The following SEPTIN6 variants were observed in gnomAD, a reference collection of about 807,000 sequenced individuals.
The protein encoded by SEPTIN6 is septin-6.
SEPTIN6 carries 8 observed loss-of-function variants against 33.6 expected under a neutral mutation model. That is an observed-to-expected ratio of 0.24 (90% CI 0.14 to 0.43). The LOEUF is 0.43. Among genes scored for constraint, SEPTIN6 ranks in the 20% least tolerant of loss-of-function variants. SEPTIN6 has a pLI of 1.00. For missense variants in SEPTIN6, 250 were observed against 340.8 expected (o/e 0.73, Z 2.10); for synonymous variants, 131 against 140.0 (o/e 0.94, Z 0.45).
rs180995221 is a variant in SEPTIN6 at position 119,621,023 on chromosome X, T to C, written c.*42-972A>G. ...CACCACCCAATACCTTGTACAGGAA[T>C]ACCTTCCACAAATCTCTAAGTGGCC... is the stretch of plus-strand genomic sequence containing the variant. On this transcript the variant is annotated intron_variant, in intron 10 of 10. Transcript: ENST00000394610. Among the ~76,000 whole-genome samples the C allele has an allele frequency of 5.7e-5, 5 of 88,472 alleles. No individual in the cohort carries two copies. In the East Asian group the frequency reaches 2.1e-3, roughly 37 times the overall value. The allele number at this position is 88,472 out of a possible 115,157, so 76.8% of individuals were successfully genotyped here. A position where few individuals can be genotyped will look rare whatever the true frequency, so the allele number is the denominator to read the frequency against.
intron 10 of SEPTIN6, among the ~76,000 whole-genome samples, chrX:119,623,271 C>T (rs1251048911): frequency 8.9e-6 from 1 of 112,020 alleles, no homozygotes; most frequent in Non-Finnish European, 1.9e-5. Flanking sequence ...ACTGACTAGA[C>T]ATTTCATGTT....
At position 119,621,446 on chromosome X, in the gene SEPTIN6, G is replaced by GGTGTGTGTGTGTGTGTGTGTGTGTGT. The variant is rs34517524; in HGVS notation, c.*42-1421_*42-1396dup. Among the ~76,000 whole-genome samples, 139 of 63,485 alleles carry GGTGTGTGTGTGTGTGTGTGTGTGTGT rather than the reference G, an allele frequency of 2.2e-3. 2 individuals carry two copies. Among genetic ancestry groups the GGTGTGTGTGTGTGTGTGTGTGTGTGT allele is most frequent in the African/African-American group, 5.2e-3 (85 of 16,427 alleles). The allele number at this position is 63,485 out of a possible 115,157, so 55.1% of individuals were successfully genotyped here. A position where few individuals can be genotyped will look rare whatever the true frequency, so the allele number is the denominator to read the frequency against. On this transcript the variant is annotated intron_variant, in intron 10 of 10. Transcript: ENST00000394610. Reference sequence around the variant, plus strand: ...AAGAGTCACAGCTGGGCCCAGAGCTGGTGTGTGTGTGTGTGTGTGTGTGTG... The same window carrying GGTGTGTGTGTGTGTGTGTGTGTGTGT: ...AAGAGTCACAGCTGGGCCCAGAGCTGGTGTGTGTGTGTGTGTGTGTGTGTGTGTGTGTGTGTGTGTGTGTGTGTGTG...
intron 1 of SEPTIN6, among the ~76,000 whole-genome samples, chrX:119,676,283 C>T (rs989196914): frequency 4.4e-4 from 48 of 108,510 alleles, no homozygotes; most frequent in African/African-American, 1.4e-3. Flanking sequence ...GCCAACGTGG[C>T]GAAACCCTGT....
rs370055006 is a variant in SEPTIN6, at chrX:119,690,342, T to TACAC, written c.30+2730_30+2733dup. Among the ~76,000 whole-genome samples the TACAC allele has an allele frequency of 2.0e-4, 14 of 69,376 alleles. No homozygotes were observed. In the South Asian group the frequency reaches 7.5e-3, roughly 37 times the overall value. The allele number at this position is 69,376 out of a possible 115,157, so 60.2% of individuals were successfully genotyped here. A position where few individuals can be genotyped will look rare whatever the true frequency, so the allele number is the denominator to read the frequency against. ...AGAAAGAACACACCCCCCACATACA[T>TACAC]ACACATACACACACACACACACACA... On this transcript the variant is annotated intron_variant, in intron 1 of 10. Transcript: ENST00000394610.
intron 9 of SEPTIN6, among the ~76,000 whole-genome samples, chrX:119,625,628 A>T (rs1280471183): frequency 9.3e-6 from 1 of 107,328 alleles, no homozygotes; most frequent in Non-Finnish European, 1.9e-5. Flanking sequence ...CTGCAGCCTC[A>T]ACCTCCCGGG....
intron 6 of SEPTIN6, among the ~76,000 whole-genome samples, chrX:119,640,490 T>C (rs59121996): frequency 0.064 from 4,634 of 71,921 alleles, 62 homozygotes; most frequent in South Asian, 0.1. Context: ...CATTAGAAAT[T>C]AGAGGGAGCT....
intron 1 of SEPTIN6, among the ~76,000 whole-genome samples, chrX:119,687,617 T>G (rs777396785): frequency 2.2e-3 from 241 of 111,979 alleles, no homozygotes; most frequent in African/African-American, 7.4e-3. Context: ...CATGCTAATA[T>G]TAAACCATGG....
chrX:119,665,908 C>T (rs770034255), intron 2 of SEPTIN6, among the ~76,000 whole-genome samples: 6 of 109,790 alleles, frequency 5.5e-5, no homozygotes, highest in African/African-American at 1.3e-4. Flanking sequence ...GGTGAAACCC[C>T]GTCTCTACTA....
Position 119,658,023 on chromosome X carries a change from C to A in SEPTIN6, c.342-4983G>T, listed in dbSNP as rs995228810. On this transcript the variant is annotated intron_variant, in intron 3 of 10. Transcript: ENST00000394610. ...GCGCCTGTAGTCCCAGCTACTCGGG[C>A]GGCTGAGGCAGGAGAATGGCGTGAA... Among the ~76,000 whole-genome samples the A allele has an allele frequency of 4.3e-4, 48 of 110,850 alleles. 1 individual carries two copies. Among genetic ancestry groups the A allele is most frequent in the Admixed American group, 3.3e-3 (34 of 10,410 alleles).
Position 119,619,865 on chromosome X carries a change from G to T in SEPTIN6, c.*228C>A. 1 of 1,085,984 alleles carries T rather than the reference G, an allele frequency of 9.2e-7. No homozygotes were observed. The highest frequency in any genetic ancestry group is 1.2e-6 in the Non-Finnish European group (1 of 835,308). The allele number at this position is 1,085,984 out of a possible 1,213,427, so 89.5% of individuals were successfully genotyped here. A position where few individuals can be genotyped will look rare whatever the true frequency, so the allele number is the denominator to read the frequency against. On this transcript the variant is annotated 3_prime_UTR_variant, in exon 11 of 11. Transcript: ENST00000394610. The stretch of plus-strand genomic sequence containing the variant: ...TGCAGGATGCATCTGCGAGCCACAT[G>T]ACTGTTGGCTTCTTGACCAGCGGCC...
At chrX:119,622,277 G>T (rs1050157106) in intron 10 of SEPTIN6, among the ~76,000 whole-genome samples, 2 of 111,530 alleles carry the variant, frequency 1.8e-5, no homozygotes, top group African/African-American at 6.5e-5. Flanking sequence ...CAACGATGTA[G>T]GGGGTCACAA....
chrX:119,692,024 A>G (rs1264846468), intron 1 of SEPTIN6, among the ~76,000 whole-genome samples: 2 of 111,662 alleles, frequency 1.8e-5, no homozygotes, highest in African/African-American at 6.5e-5. Flanking sequence ...TCTGGTTTAA[A>G]AAACAAACAT....
chrX:119,675,569 T>G lies in SEPTIN6; in HGVS notation c.130A>C (p.Asn44His). ...NKSVSQGFCF[N>H]ILCVGETGLG... ...AAATACTCACCCACGCACAGGATGT[T>G]GAAGCAGAAGCCCTGGCTGACGGAC... The change falls in exon 2 of 11, where the codon AAC becomes CAC. Residue 44 changes from asparagine to histidine, a missense_variant. Physicochemically the swap from Asn to His is moderately conservative, Grantham distance 68 (BLOSUM62 1). Transcript: ENST00000394610. The G allele has an allele frequency of 8.7e-7, 1 of 1,154,218 alleles. No homozygotes were observed. The highest frequency in any genetic ancestry group is 1.2e-6 in the Non-Finnish European group (1 of 859,957).
At chrX:119,667,208 C>T (rs1173464320) in intron 2 of SEPTIN6, among the ~76,000 whole-genome samples, 4 of 109,135 alleles carry the variant, frequency 3.7e-5, no homozygotes, top group East Asian at 5.7e-4. Context: ...CCTGGCTCCC[C>T]GATCCTAAGA....
chrX:119,647,483 C>CTTTTTTTTTTTTTTTTTTTTTTT (rs61037430), intron 5 of SEPTIN6, among the ~76,000 whole-genome samples: 2 of 74,407 alleles, frequency 2.7e-5, no homozygotes, highest in Non-Finnish European at 4.7e-5. Flanking sequence ...TTCTCTCTCT[C>CTTTTTTTTTTTTTTTTTTTTTTT]TTTTTTTTTT....
intron 1 of SEPTIN6, among the ~76,000 whole-genome samples, chrX:119,690,725 A>AAC (rs1388876336): frequency 1.0e-5 from 1 of 96,439 alleles, no homozygotes; most frequent in African/African-American, 4.0e-5. Context: ...CTCCGTCTCA[A>AAC]AAAAAAAAAA....
chrX:119,619,952 G>A lies in SEPTIN6; in HGVS notation c.*141C>T. On this transcript the variant is annotated 3_prime_UTR_variant, in exon 11 of 11. Coordinates refer to ENST00000394610, the MANE Select transcript of SEPTIN6 (RefSeq NM_145799.4). ...TTGGCAGGAAGAGAGGAGAGGGCGC[G>A]GGTTGGATTGTATGCCCCCCAGGCA... 9.3e-6 allele frequency: 11 copies of A among 1,185,314 alleles called. No homozygotes were observed. Among genetic ancestry groups the A allele is most frequent in the East Asian group, 3.0e-5 (1 of 33,439 alleles).
intron 3 of SEPTIN6, among the ~76,000 whole-genome samples, chrX:119,660,935 G>A (rs77841082): frequency 0.038 from 3,936 of 104,505 alleles, 93 homozygotes; most frequent in African/African-American, 0.078. Context: ...ACCTACTCTC[G>A]GGAGGCTGAG....
intron 1 of SEPTIN6, among the ~76,000 whole-genome samples, chrX:119,690,534 C>T (rs1346313267): frequency 9.3e-6 from 1 of 108,015 alleles, no homozygotes; most frequent in Non-Finnish European, 1.9e-5. Context: ...ACCAGCCTGG[C>T]CAACATGGTG....
Sources: gnomAD v4.1 joint callset for allele counts (sites outside exome capture counted in the v4.1 genomes callset) on GRCh38, gnomAD v4.1.1 for gene constraint, MANE v1.5 for transcripts, NCBI Gene and HGNC (gene_info 2026-07-23, HGNC 2026-07-21) for gene names.